Variants in ZSWIM6 observed in about 807,000 individuals in gnomAD.
The protein encoded by ZSWIM6 is zinc finger SWIM domain-containing protein 6.
A neutral mutation model predicts 113.2 loss-of-function variants in ZSWIM6; 9 were observed. The ratio of observed to expected loss-of-function variants is 0.08; its 90% CI spans 0.05 to 0.14. The LOEUF (loss-of-function observed/expected upper bound fraction) is 0.14. Among genes scored for constraint, ZSWIM6 ranks in the 10% least tolerant of loss-of-function variants. The pLI is 1.00. For missense variants in ZSWIM6, 1,162 were observed against 1,552.2 expected (o/e 0.75, Z 4.22); for synonymous variants, 611 against 606.5 (o/e 1.01, Z -0.11).
In ZSWIM6 at chr5:61,332,326, GGGCGGCGGC is replaced by G. The variant is rs565100893; in HGVS notation, c.66_74del (p.Gly24_Gly26del). The stretch of plus-strand genomic sequence containing the variant: ...CCGCGAAACGGCTTTGCTGCCGGCC[GGGCGGCGGC>G]GGCGGCGGCGGGGGCAGCAGCGGCG... On this transcript the variant is annotated inframe_deletion, in exon 1 of 14. Transcript: ENST00000252744. 4.5e-6 allele frequency: 5 copies of G among 1,117,398 alleles called. No homozygotes were observed. The African/African-American group carries it at 4.9e-5, about 11-fold the overall frequency. The allele number at this position is 1,117,398 out of a possible 1,614,324, so 69.2% of individuals were successfully genotyped here.
chr5:61,468,299 A>C (rs1410947024), intron 1 of ZSWIM6, among the ~76,000 whole-genome samples: 1 of 152,190 alleles, frequency 6.6e-6, no homozygotes, highest in African/African-American at 2.4e-5. Flanking sequence ...AAAAATGGGG[A>C]TTCTAACATT....
intron 5 of ZSWIM6, among the ~76,000 whole-genome samples, chr5:61,522,406 A>C (rs1749157385): frequency 6.6e-6 from 1 of 152,196 alleles, no homozygotes; most frequent in South Asian, 2.1e-4. Flanking sequence ...CAGAGTCAAG[A>C]CTACATTCTC....
At chr5:61,507,411 C>T (rs1748654495) in intron 4 of ZSWIM6, among the ~76,000 whole-genome samples, 1 of 152,110 alleles carries the variant, frequency 6.6e-6, no homozygotes, top group Non-Finnish European at 1.5e-5. Flanking sequence ...AATCCTGATG[C>T]TCTACCCAGA....
Position 61,544,353 on chromosome 5 carries a change from G to A in ZSWIM6, c.*36G>A. The stretch of plus-strand genomic sequence containing the variant: ...ATGAATGGGGTGGGGGGTGGGGATG[G>A]GAGGGATGGTTTGTTTTTACTTGAG... On this transcript the variant is annotated 3_prime_UTR_variant, in exon 14 of 14. Transcript: ENST00000252744. 1.7e-6 allele frequency: 1 copy of A among 595,744 alleles called. No homozygotes were observed. The allele number at this position is 595,744 out of a possible 1,614,324, so 36.9% of individuals were successfully genotyped here.
intron 4 of ZSWIM6, among the ~76,000 whole-genome samples, chr5:61,503,101 C>T (rs1461209562): frequency 6.6e-6 from 1 of 152,150 alleles, no homozygotes; most frequent in Non-Finnish European, 1.5e-5. Context: ...TGCTTGCAAG[C>T]TTGTCTGATA....
At chr5:61,333,312 C>T (rs1183816821) in intron 1 of ZSWIM6, among the ~76,000 whole-genome samples, 1 of 151,378 alleles carries the variant, frequency 6.6e-6, no homozygotes, top group African/African-American at 2.4e-5. Flanking sequence ...GACGGCCGGC[C>T]TCCGGCGAGG....
At chr5:61,505,781 C>G (rs1209402279) in intron 4 of ZSWIM6, among the ~76,000 whole-genome samples, 3 of 150,106 alleles carry the variant, frequency 2.0e-5, no homozygotes, top group African/African-American at 7.4e-5. Context: ...GACAGTCTCG[C>G]TCTGTCACCC....
rs138445872 is a variant in ZSWIM6 at position 61,470,318 on chromosome 5, A to G, written c.677-2363A>G. Among the ~76,000 whole-genome samples the G allele has an allele frequency of 1.2e-4, 19 of 152,340 alleles. No individual in the cohort carries two copies. The East Asian group carries it at 3.7e-3, about 29-fold the overall frequency. Reference sequence around the variant, plus strand: ...CCGGTTTCCCCGTGCAAGTACATATATGACAGGTGGAAAACAGAGTTTGCC... The same window carrying G: ...CCGGTTTCCCCGTGCAAGTACATATGTGACAGGTGGAAAACAGAGTTTGCC... On this transcript the variant is annotated intron_variant, in intron 1 of 13. Coordinates refer to ENST00000252744, the MANE Select transcript of ZSWIM6 (RefSeq NM_020928.2).
chr5:61,410,767 A>G (rs1746136071), intron 1 of ZSWIM6, among the ~76,000 whole-genome samples: 1 of 152,188 alleles, frequency 6.6e-6, no homozygotes, highest in South Asian at 2.1e-4. Flanking sequence ...CATTTCATTT[A>G]ATACATAGAA....
intron 1 of ZSWIM6, among the ~76,000 whole-genome samples, chr5:61,379,807 G>GCTTA (rs1207228959): frequency 2.6e-5 from 4 of 152,090 alleles, no homozygotes; most frequent in African/African-American, 9.7e-5. Context: ...ACATGAAAAT[G>GCTTA]CTTATCTGCA....
At chr5:61,338,048 A>G (rs572843840) in intron 1 of ZSWIM6, among the ~76,000 whole-genome samples, 1 of 152,244 alleles carries the variant, frequency 6.6e-6, no homozygotes, top group African/African-American at 2.4e-5. Context: ...GGCCTTTTAA[A>G]TGGCCTATTT....
At chr5:61,491,898 G>A (rs1207742466) in intron 3 of ZSWIM6, among the ~76,000 whole-genome samples, 1 of 151,830 alleles carries the variant, frequency 6.6e-6, no homozygotes, top group Non-Finnish European at 1.5e-5. Context: ...TCAATACCAT[G>A]TTCATAAAGA....
At chr5:61,343,647 G>C (rs1212260327) in intron 1 of ZSWIM6, among the ~76,000 whole-genome samples, 1 of 152,068 alleles carries the variant, frequency 6.6e-6, no homozygotes, top group Non-Finnish European at 1.5e-5. Flanking sequence ...GTAGAGGCCT[G>C]GTCATGCTGA....
At chr5:61,456,749 A>T (rs1747212392) in intron 1 of ZSWIM6, among the ~76,000 whole-genome samples, 1 of 152,170 alleles carries the variant, frequency 6.6e-6, no homozygotes, top group African/African-American at 2.4e-5. Context: ...GTGAAAGAGA[A>T]CCAGTTAGAC....
intron 10 of ZSWIM6, among the ~76,000 whole-genome samples, chr5:61,537,783 A>T (rs1441824858): frequency 1.3e-5 from 2 of 152,176 alleles, no homozygotes. Flanking sequence ...ATCTTATTTC[A>T]TAGTTCTTAA....
At position 61,351,168 on chromosome 5, in the gene ZSWIM6, G is replaced by A. The variant is rs546051651; in HGVS notation, c.676+18220G>A. Among the ~76,000 whole-genome samples the A allele has an allele frequency of 3.3e-5, 5 of 152,258 alleles. No homozygotes were observed. The East Asian group carries it at 9.6e-4, about 29-fold the overall frequency. On this transcript the variant is annotated intron_variant, in intron 1 of 13. Coordinates refer to ENST00000252744, the MANE Select transcript of ZSWIM6 (RefSeq NM_020928.2). ...GAGCATGTTTTTTATTCATCGAGGTGTATCATGCCTTAATGTCCTAATTTC... is the reference window on the plus strand; with the variant it reads ...GAGCATGTTTTTTATTCATCGAGGTATATCATGCCTTAATGTCCTAATTTC...
intron 1 of ZSWIM6, among the ~76,000 whole-genome samples, chr5:61,405,256 T>A (rs957072780): frequency 7.2e-5 from 11 of 152,210 alleles, no homozygotes; most frequent in African/African-American, 2.7e-4. Flanking sequence ...CCACCAAAGA[T>A]GGGATTAATC....
At chr5:61,534,739 G>A (rs1241385379) in intron 9 of ZSWIM6, among the ~76,000 whole-genome samples, 2 of 152,158 alleles carry the variant, frequency 1.3e-5, no homozygotes, top group Non-Finnish European at 2.9e-5. Flanking sequence ...GGGGAAGTCA[G>A]CTCTGCCACC....
chr5:61,465,210 A>G (rs906444621), intron 1 of ZSWIM6, among the ~76,000 whole-genome samples: 2 of 152,242 alleles, frequency 1.3e-5, no homozygotes, highest in African/African-American at 4.8e-5. Flanking sequence ...ACAGTTGTGA[A>G]AATAATTCAA....
Sources: gnomAD v4.1 joint callset for allele counts (sites outside exome capture counted in the v4.1 genomes callset) on GRCh38, gnomAD v4.1.1 for gene constraint, MANE v1.5 for transcripts, NCBI Gene and HGNC (gene_info 2026-07-23, HGNC 2026-07-21) for gene names.